The following RETREG3 variants were observed in gnomAD, a reference collection of about 807,000 sequenced individuals.
RETREG3 encodes reticulophagy regulator family member 3.
In RETREG3, 23 loss-of-function variants were observed where a neutral mutation model predicts 50.2. That is an observed-to-expected ratio of 0.46 (90% CI 0.33 to 0.65). RETREG3 has a LOEUF of 0.65. Ranked by LOEUF, RETREG3 falls within the 30% of genes least tolerant of loss-of-function variation. RETREG3 has a pLI of 0.02. For synonymous variants in RETREG3, 240 were observed against 234.4 expected, an observed-to-expected ratio of 1.02 and a Z score of -0.22; for missense variants, 546 against 598.0, an observed-to-expected ratio of 0.91 and a Z score of 0.91.
Position 42,609,167 on chromosome 17 carries a change from A to G in RETREG3, c.158T>C (p.Leu53Pro). ...VEVLGPYEPLLSRVQAALVWE... is the reference protein window; with the variant it reads ...VEVLGPYEPLPSRVQAALVWE... ...CACCAGGGCTGCCTGCACCCGACTC[A>G]GCAGAGGCTCGTAAGGCCCCAGCAC... The change falls in exon 1 of 9, where the codon CTG becomes CCG. Residue 53 changes from leucine (L) to proline (P), a missense_variant. Leu to Pro is a moderately conservative substitution (Grantham distance 98). Transcript: ENST00000309428. 6.2e-7 allele frequency: 1 copy of G among 1,610,578 alleles called. No homozygotes were observed. Among genetic ancestry groups the G allele is most frequent in the South Asian group, 1.1e-5 (1 of 91,036 alleles).
chr17:42,608,992 T>C, intron 1 of RETREG3, 94 bp downstream of exon 1: 1 of 1,279,672 alleles, frequency 7.8e-7, no homozygotes, highest in Non-Finnish European at 1.1e-6. Context: ...AAGGAGCCAG[T>C]GCAGCGAAGA....
intron 1 of RETREG3, among the ~76,000 whole-genome samples, chr17:42,607,852 A>C (rs1202246765): frequency 6.6e-6 from 1 of 151,944 alleles, no homozygotes; most frequent in East Asian, 1.9e-4. Context: ...TAAATGAAGA[A>C]CGTGGTAGGA....
chr17:42,595,535 T>C (rs1293193181), intron 1 of RETREG3, among the ~76,000 whole-genome samples: 1 of 151,982 alleles, frequency 6.6e-6, no homozygotes, highest in African/African-American at 2.4e-5. Context: ...TAGCTGGGAT[T>C]ACAGGTGTGA....
intron 7 of RETREG3, among the ~76,000 whole-genome samples, chr17:42,583,274 G>A (rs1263384519): frequency 6.6e-6 from 1 of 152,230 alleles, no homozygotes; most frequent in East Asian, 1.9e-4. Context: ...ACGGAAGAGC[G>A]GTGCTGGGCA....
Position 42,609,362 on chromosome 17 carries a change from G to C in RETREG3, c.-38C>G, listed in dbSNP as rs200561451. 13 of 1,558,426 alleles carry C rather than the reference G, an allele frequency of 8.3e-6. No individual in the cohort carries two copies. The highest frequency in any genetic ancestry group is 1.0e-5 in the Non-Finnish European group (12 of 1,154,234). The stretch of plus-strand genomic sequence containing the variant: ...GCCACAACATCCGGGGCCGTGGCCC[G>C]ACAAGTCACAATAACAGCAACTGCG... On this transcript the variant is annotated 5_prime_UTR_variant, in exon 1 of 9. Transcript: ENST00000309428.
rs1567925553 is a variant in RETREG3, at chr17:42,597,616, TA to T, written c.240-5455del. On this transcript the variant is annotated intron_variant, in intron 1 of 8. Transcript: ENST00000309428. ...ATATATATATATATATATATATATATATATTTTTTTTTTTTTTTTTTTTTTT... is the reference window on the plus strand; with the variant it reads ...ATATATATATATATATATATATATATTATTTTTTTTTTTTTTTTTTTTTTT... Among the ~76,000 whole-genome samples the T allele has an allele frequency of 1.1e-3, 14 of 12,936 alleles. 1 individual carries two copies. The highest frequency in any genetic ancestry group is 4.2e-3 in the African/African-American group (12 of 2,856). The allele number at this position is 12,936 out of a possible 152,430, so 8.5% of individuals were successfully genotyped here. A position where few individuals can be genotyped will look rare whatever the true frequency, so the allele number is the denominator to read the frequency against.
rs200417453 is a variant in RETREG3 at position 42,582,773 on chromosome 17, T to C, written c.844A>G (p.Ile282Val). The stretch of plus-strand genomic sequence containing the variant: ...GCGTCTGAGTGCTCAGAGTCTGTGA[T>C]GGCCAATTCCCTGGCAACAGTAGAA... Reference protein sequence around the residue: ...DDSTVARELAITDSEHSDAEV... With the variant: ...DDSTVARELAVTDSEHSDAEV... Residue 282 changes from isoleucine (I) to valine (V), a missense_variant, in exon 8 of 9, where the codon ATC (isoleucine) becomes GTC (valine). Ile to Val is a conservative substitution (Grantham distance 29, BLOSUM62 3). Transcript: ENST00000309428. 6.8e-6 allele frequency: 11 copies of C among 1,614,246 alleles called. No individual in the cohort carries two copies. Among genetic ancestry groups the C allele is most frequent in the South Asian group, 1.1e-5 (1 of 91,086 alleles).
intron 1 of RETREG3, among the ~76,000 whole-genome samples, chr17:42,597,049 T>C (rs1310260981): frequency 6.6e-6 from 1 of 151,962 alleles, no homozygotes; most frequent in Non-Finnish European, 1.5e-5. Flanking sequence ...TTTTTAAATT[T>C]TTTAAATAGA....
intron 1 of RETREG3, among the ~76,000 whole-genome samples, chr17:42,595,681 T>G (rs2143402870): frequency 1.3e-5 from 2 of 149,668 alleles, no homozygotes; most frequent in Middle Eastern, 3.5e-3. Flanking sequence ...TTTTTTTTTT[T>G]TTTGAGACGG....
intron 1 of RETREG3, among the ~76,000 whole-genome samples, chr17:42,608,444 G>C (rs900109449): frequency 3.9e-5 from 6 of 152,152 alleles, no homozygotes; most frequent in African/African-American, 1.4e-4. Flanking sequence ...TAATTCCTTG[G>C]AACAGGGAGG....
In RETREG3 at chr17:42,581,583, C is replaced by T. The variant is rs1210679805; in HGVS notation, c.*230G>A. 1 of 508,412 alleles carries T rather than the reference C, an allele frequency of 2.0e-6. No individual in the cohort carries two copies. The highest frequency in any genetic ancestry group is 1.9e-5 in the African/African-American group (1 of 51,936). The allele number at this position is 508,412 out of a possible 1,614,324, so 31.5% of individuals were successfully genotyped here. A position where few individuals can be genotyped will look rare whatever the true frequency, so the allele number is the denominator to read the frequency against. On this transcript the variant is annotated 3_prime_UTR_variant, in exon 9 of 9. Transcript: ENST00000309428. ...ACCATCCTGATGGAGAGAAGCCTCC[C>T]TTGGGGGAGCACACTCTCACTTCAG...
intron 1 of RETREG3, among the ~76,000 whole-genome samples, chr17:42,595,811 T>C (rs895404908): frequency 6.7e-6 from 1 of 149,920 alleles, no homozygotes; most frequent in Non-Finnish European, 1.5e-5. Context: ...GGCAGGAGGA[T>C]TGGTTGGTTA....
chr17:42,591,049 G>T (rs1436966614), intron 2 of RETREG3, among the ~76,000 whole-genome samples: 1 of 152,172 alleles, frequency 6.6e-6, no homozygotes, highest in Non-Finnish European at 1.5e-5. Flanking sequence ...TCCCTTTAAT[G>T]AACCTTCATC....
chr17:42,600,015 GAAAA>G (rs2093155651), intron 1 of RETREG3, among the ~76,000 whole-genome samples: 1 of 150,786 alleles, frequency 6.6e-6, no homozygotes, highest in Non-Finnish European at 1.5e-5. Context: ...AAGCAAAACA[GAAAA>G]AACCACCTAA....
Position 42,582,183 on chromosome 17 carries a change from T to C in RETREG3, c.1031A>G (p.Asp344Gly). ...GCCAATGCTAGTGTCGTCCTCATCATCCAGGCCAGCAGGATCCATATTAAT... is the reference window on the plus strand; with the variant it reads ...GCCAATGCTAGTGTCGTCCTCATCACCCAGGCCAGCAGGATCCATATTAAT... Reference protein sequence around the residue: ...PSINMDPAGLDDEDDTSIGMP... With the variant: ...PSINMDPAGLGDEDDTSIGMP... Residue 344 changes from aspartate to glycine, a missense_variant, in exon 9 of 9, where the codon GAT becomes GGT. Asp to Gly is a moderately conservative substitution (Grantham distance 94, BLOSUM62 -1). Coordinates refer to ENST00000309428, the MANE Select transcript of RETREG3 (RefSeq NM_178126.4). 1 of 1,613,906 alleles carries C rather than the reference T, an allele frequency of 6.2e-7. No individual in the cohort carries two copies. Among genetic ancestry groups the C allele is most frequent in the Non-Finnish European group, 8.5e-7 (1 of 1,180,004 alleles).
In RETREG3 at chr17:42,581,572, G is replaced by T; in HGVS notation, c.*241C>A. The T allele has an allele frequency of 2.1e-6, 1 of 484,816 alleles. No homozygotes were observed. The highest frequency in any genetic ancestry group is 3.6e-6 in the Non-Finnish European group (1 of 274,804). 30.0% of individuals were successfully genotyped at this position (484,816 alleles called of 1,614,324 possible). A position where few individuals can be genotyped will look rare whatever the true frequency, so the allele number is the denominator to read the frequency against. ...TCCCCCAAAGTACCATCCTGATGGAGAGAAGCCTCCCTTGGGGGAGCACAC... is the reference window on the plus strand; with the variant it reads ...TCCCCCAAAGTACCATCCTGATGGATAGAAGCCTCCCTTGGGGGAGCACAC... On this transcript the variant is annotated 3_prime_UTR_variant, in exon 9 of 9. Transcript: ENST00000309428.
In RETREG3 at chr17:42,579,928, C is replaced by G. The variant is rs563702605; in HGVS notation, c.*1885G>C. On this transcript the variant is annotated 3_prime_UTR_variant, in exon 9 of 9. Transcript: ENST00000309428. Reference sequence around the variant, plus strand: ...AAGAGCAAACATGTCAGCACACCCCCACCTGCAGTACATGAAAACAGGCTC... The same window carrying G: ...AAGAGCAAACATGTCAGCACACCCCGACCTGCAGTACATGAAAACAGGCTC... 9 of 153,134 alleles carry G rather than the reference C, an allele frequency of 5.9e-5. No homozygotes were observed. In the South Asian group the frequency reaches 1.2e-3, roughly 21 times the overall value. The allele number at this position is 153,134 out of a possible 1,614,324, so 9.5% of individuals were successfully genotyped here.
chr17:42,609,217 C>T lies in RETREG3; in HGVS notation c.108G>A (p.Glu36=), dbSNP rs757056738. 1.9e-6 allele frequency: 3 copies of T among 1,608,862 alleles called. No homozygotes were observed. Among genetic ancestry groups the T allele is most frequent in the Non-Finnish European group, 2.5e-6 (3 of 1,179,812 alleles). ...SGSWERDQQV[E]AAQRALVEVL... ...CCTCCACCAGGGCCCGCTGCGCCGC[C>T]TCAACCTGCTGGTCCCGCTCCCAGG... is the stretch of plus-strand genomic sequence containing the variant. Residue 36 remains glutamate (E), a synonymous_variant, in exon 1 of 9, where the codon GAG becomes GAA. Coordinates refer to ENST00000309428, the MANE Select transcript of RETREG3 (RefSeq NM_178126.4).
intron 1 of RETREG3, among the ~76,000 whole-genome samples, chr17:42,597,696 T>G (rs1483475159): frequency 7.6e-6 from 1 of 132,024 alleles, no homozygotes; most frequent in African/African-American, 2.9e-5. Context: ...GTGGCACAGA[T>G]CTCCACTCAC....
Sources: gnomAD v4.1 joint callset for allele counts (sites outside exome capture counted in the v4.1 genomes callset) on GRCh38, gnomAD v4.1.1 for gene constraint, MANE v1.5 for transcripts, NCBI Gene and HGNC (gene_info 2026-07-23, HGNC 2026-07-21) for gene names.